SDC2: variants seen among roughly 807,000 people sequenced by gnomAD.
SDC2 encodes the protein syndecan 2.
A neutral mutation model predicts 22.2 loss-of-function variants in SDC2; 13 were observed. That is an observed-to-expected ratio of 0.59 (90% CI 0.38 to 0.93). The LOEUF is 0.93. Ranked by LOEUF, SDC2 falls within the 40% of genes least tolerant of loss-of-function variation. The pLI is 0.00. For synonymous variants in SDC2, 94 were observed against 92.8 expected, an observed-to-expected ratio of 1.01 and a Z score of -0.07; for missense variants, 235 against 246.8, an observed-to-expected ratio of 0.95 and a Z score of 0.32.
At chr8:96,539,732 C>T (rs1337250975) in intron 1 of SDC2, among the ~76,000 whole-genome samples, 2 of 152,200 alleles carry the variant, frequency 1.3e-5, no homozygotes, top group East Asian at 3.8e-4. Flanking sequence ...AGGCAGTCTA[C>T]TCCGTTTTTT....
chr8:96,540,340 G>GTGTATATATATATATATATATATATATA lies in SDC2; in HGVS notation c.60+46010_60+46011insGTATATATATATATATATATATATATAT, dbSNP rs4058341. ...AACCCTGTCTCTACTATATATATGTGTATATATATATATATAAAAATTAGT... is the reference window on the plus strand; with the variant it reads ...AACCCTGTCTCTACTATATATATGTGTGTATATATATATATATATATATATATATATATATATATATATAAAAATTAGT... On this transcript the variant is annotated intron_variant, in intron 1 of 4. Coordinates refer to ENST00000302190, the MANE Select transcript of SDC2 (RefSeq NM_002998.4). Among the ~76,000 whole-genome samples, 16 of 123,680 alleles carry GTGTATATATATATATATATATATATATA rather than the reference G, an allele frequency of 1.3e-4. 1 individual carries two copies. Among genetic ancestry groups the GTGTATATATATATATATATATATATATA allele is most frequent in the South Asian group, 3.0e-4 (1 of 3,340 alleles). The allele number at this position is 123,680 out of a possible 152,430, so 81.1% of individuals were successfully genotyped here. A position where few individuals can be genotyped will look rare whatever the true frequency, so the allele number is the denominator to read the frequency against.
chr8:96,498,637 C>T (rs528665789), intron 1 of SDC2, among the ~76,000 whole-genome samples: 4 of 152,238 alleles, frequency 2.6e-5, no homozygotes, highest in East Asian at 1.9e-4. Context: ...ACTACAGGCA[C>T]ATGCCACTGC....
intron 1 of SDC2, among the ~76,000 whole-genome samples, chr8:96,502,760 C>T (rs1813185267): frequency 1.3e-5 from 2 of 152,164 alleles, no homozygotes; most frequent in Admixed American, 1.3e-4. Context: ...TCAGTTTTCT[C>T]ATCTGTAAAA....
chr8:96,600,151 A>T (rs2582802), intron 2 of SDC2, among the ~76,000 whole-genome samples: 27,724 of 152,134 alleles, frequency 0.18, 3,021 homozygotes, highest in South Asian at 0.35. Flanking sequence ...AGAGCAAGAA[A>T]AGAAAAAGAA....
intron 2 of SDC2, among the ~76,000 whole-genome samples, chr8:96,598,979 T>C (rs1224704777): frequency 6.7e-6 from 1 of 149,506 alleles, no homozygotes; most frequent in African/African-American, 2.5e-5. Flanking sequence ...CCTCACTCTG[T>C]TGCCCAGGCT....
At chr8:96,497,932 C>T (rs1813100184) in intron 1 of SDC2, among the ~76,000 whole-genome samples, 1 of 152,222 alleles carries the variant, frequency 6.6e-6, no homozygotes. Flanking sequence ...ATCTCCAAAC[C>T]ACTGAATTCT....
rs117164518 is a variant in SDC2, at chr8:96,542,627, A to G, written c.60+48296A>G. Among the ~76,000 whole-genome samples the G allele has an allele frequency of 2.7e-3, 413 of 152,018 alleles. 12 individuals carry two copies. In the East Asian group the frequency reaches 0.069, roughly 25 times the overall value. On this transcript the variant is annotated intron_variant, in intron 1 of 4. Coordinates refer to ENST00000302190, the MANE Select transcript of SDC2 (RefSeq NM_002998.4). ...CTTAGCATCCCGGAGAATGAAAGGG[A>G]CAGTTGGGGCAGTGGGGCAGCTTCC...
At chr8:96,607,044 G>T (rs1253941336) in intron 3 of SDC2, among the ~76,000 whole-genome samples, 1 of 152,186 alleles carries the variant, frequency 6.6e-6, no homozygotes, top group African/African-American at 2.4e-5. Flanking sequence ...ATCTAGGAGC[G>T]CAAACGCGAT....
rs1814668072 is a variant in SDC2 at position 96,585,542 on chromosome 8, G to A, written c.61-7938G>A. 2.0e-5 allele frequency among the ~76,000 whole-genome samples: 3 copies of A among 152,110 alleles called. No individual in the cohort carries two copies. The South Asian group carries it at 6.2e-4, about 32-fold the overall frequency. On this transcript the variant is annotated intron_variant, in intron 1 of 4. Coordinates refer to ENST00000302190, the MANE Select transcript of SDC2 (RefSeq NM_002998.4). The stretch of plus-strand genomic sequence containing the variant: ...TTGAAGAGAAATGAGAAGGATGGGG[G>A]CGGGTGCATCCTGTTTTATGTGTTG...
intron 1 of SDC2, among the ~76,000 whole-genome samples, chr8:96,584,280 C>A (rs1814644895): frequency 6.6e-6 from 1 of 152,212 alleles, no homozygotes; most frequent in African/African-American, 2.4e-5. Context: ...GTGTGGTCTG[C>A]CCTTTGGCCC....
intron 1 of SDC2, among the ~76,000 whole-genome samples, chr8:96,531,164 G>A (rs1813655227): frequency 6.6e-6 from 1 of 152,168 alleles, no homozygotes; most frequent in Non-Finnish European, 1.5e-5. Flanking sequence ...TTTACATATC[G>A]AGACCCAGAG....
chr8:96,559,188 G>A (rs970129697), intron 1 of SDC2, among the ~76,000 whole-genome samples: 2 of 152,160 alleles, frequency 1.3e-5, no homozygotes, highest in Non-Finnish European at 2.9e-5. Context: ...TGGCTGTGTG[G>A]GGTGTGATGA....
intron 1 of SDC2, among the ~76,000 whole-genome samples, chr8:96,572,926 G>GT (rs1814420533): frequency 6.6e-6 from 1 of 152,080 alleles, no homozygotes; most frequent in Non-Finnish European, 1.5e-5. Flanking sequence ...TGTTTATTTT[G>GT]TTTTGTTCAT....
chr8:96,544,178 T>C (rs1456420534), intron 1 of SDC2, among the ~76,000 whole-genome samples: 1 of 152,126 alleles, frequency 6.6e-6, no homozygotes, highest in East Asian at 1.9e-4. Context: ...GTATTCCTTG[T>C]TAGGAAAAAA....
intron 2 of SDC2, among the ~76,000 whole-genome samples, chr8:96,601,221 C>A (rs1218550803): frequency 6.6e-6 from 1 of 152,062 alleles, no homozygotes; most frequent in Non-Finnish European, 1.5e-5. Context: ...TACTGGTGAC[C>A]TTAACAAAAC....
intron 1 of SDC2, among the ~76,000 whole-genome samples, chr8:96,531,375 G>A (rs192388165): frequency 1.6e-4 from 25 of 152,266 alleles, no homozygotes; most frequent in African/African-American, 6.0e-4. Context: ...ATATGGAGAA[G>A]TATGATTAAT....
chr8:96,494,037 CCAA>C lies in SDC2; in HGVS notation c.-231_-229del. On this transcript the variant is annotated 5_prime_UTR_variant, in exon 1 of 5. Transcript: ENST00000302190. ...CAACTCCGTGTCGGGAGTGCAGAAACCAACAAGTGAGAGGGCGCCGCGTTCCCG... is the reference window on the plus strand; with the variant it reads ...CAACTCCGTGTCGGGAGTGCAGAAACCAAGTGAGAGGGCGCCGCGTTCCCG... 2 of 548,522 alleles carry C rather than the reference CCAA, an allele frequency of 3.6e-6. No individual in the cohort carries two copies. Among genetic ancestry groups the C allele is most frequent in the South Asian group, 2.4e-5 (1 of 42,160 alleles). 34.0% of individuals were successfully genotyped at this position (548,522 alleles called of 1,614,324 possible). A position where few individuals can be genotyped will look rare whatever the true frequency, so the allele number is the denominator to read the frequency against.
intron 1 of SDC2, among the ~76,000 whole-genome samples, chr8:96,581,668 T>C (rs1814592849): frequency 6.6e-6 from 1 of 152,030 alleles, no homozygotes; most frequent in Non-Finnish European, 1.5e-5. Context: ...ACTATATGAT[T>C]CTGTCAGCAG....
intron 1 of SDC2, among the ~76,000 whole-genome samples, chr8:96,582,672 T>C (rs1814608435): frequency 6.6e-6 from 1 of 152,082 alleles, no homozygotes; most frequent in Admixed American, 6.5e-5. Context: ...ACAGGTGAGT[T>C]AGGTGTAATA....
Sources: allele counts gnomAD v4.1 joint callset (sites outside exome capture counted in the v4.1 genomes callset), GRCh38; gene constraint gnomAD v4.1.1; transcripts MANE v1.5; gene names NCBI Gene and HGNC (gene_info 2026-07-23, HGNC 2026-07-21).